The following ACYP2 variants were observed in gnomAD, a reference collection of about 807,000 sequenced individuals.
ACYP2 encodes the protein acylphosphatase-2.
Under a neutral mutation model 11.2 loss-of-function variants are expected in ACYP2, and 12 were observed. The observed-to-expected ratio is 1.08, with a 90% CI of 0.69 to 1.74. The LOEUF is 1.74. Ranked by LOEUF, ACYP2 falls within the 40% of genes most tolerant of loss-of-function variation. ACYP2 has a pLI of 0.00. For missense variants in ACYP2, 134 were observed against 101.9 expected, an observed-to-expected ratio of 1.31 and a Z score of -1.35; for synonymous variants, 43 against 32.2, an observed-to-expected ratio of 1.33 and a Z score of -1.13.
intron 2 of ACYP2, among the ~76,000 whole-genome samples, chr2:53,992,474 A>G (rs1672348621): frequency 6.6e-6 from 1 of 152,220 alleles, no homozygotes; most frequent in East Asian, 1.9e-4. Context: ...ATTCAATGAG[A>G]GATGACAATG....
chr2:54,257,445 C>T lies in ACYP2; in HGVS notation c.405-47243C>T, dbSNP rs577907549. ...CATTGGCTACAGCTAGTCAGTTGGCCTTGTCTAACTTTAATAGGACAGGGA... is the reference window on the plus strand; with the variant it reads ...CATTGGCTACAGCTAGTCAGTTGGCTTTGTCTAACTTTAATAGGACAGGGA... On this transcript the variant is annotated intron_variant, in intron 6 of 6. Coordinates refer to ENST00000607452, the MANE Select transcript of ACYP2 (RefSeq NM_001320586.2). Among the ~76,000 whole-genome samples the T allele has an allele frequency of 5.3e-5, 8 of 152,312 alleles. No individual in the cohort carries two copies. In the East Asian group the frequency reaches 1.5e-3, roughly 29 times the overall value.
At chr2:54,085,461 T>C (rs902910543) in intron 4 of ACYP2, among the ~76,000 whole-genome samples, 1 of 152,230 alleles carries the variant, frequency 6.6e-6, no homozygotes, top group African/African-American at 2.4e-5. Context: ...TCTTTCTTTT[T>C]TTTTAAATTC....
At chr2:54,079,452 G>A (rs1677527090) in intron 4 of ACYP2, among the ~76,000 whole-genome samples, 1 of 152,194 alleles carries the variant, frequency 6.6e-6, no homozygotes, top group South Asian at 2.1e-4. Flanking sequence ...TCTTCTGAGA[G>A]AACAATGAGA....
At chr2:54,107,319 T>C (rs1321887688) in intron 4 of ACYP2, among the ~76,000 whole-genome samples, 1 of 152,250 alleles carries the variant, frequency 6.6e-6, no homozygotes. Context: ...ATTTATTCTA[T>C]AATCTTTCAA....
At chr2:54,050,573 A>G (rs1219882457) in intron 2 of ACYP2, among the ~76,000 whole-genome samples, 1 of 151,708 alleles carries the variant, frequency 6.6e-6, no homozygotes, top group Non-Finnish European at 1.5e-5. Context: ...AAAGAAAATA[A>G]CTAAAGAAAA....
At chr2:54,104,571 A>G (rs1679055195) in intron 4 of ACYP2, among the ~76,000 whole-genome samples, 1 of 152,190 alleles carries the variant, frequency 6.6e-6, no homozygotes, top group African/African-American at 2.4e-5. Context: ...CCTGAGTGAT[A>G]CACCAAATAA....
intron 2 of ACYP2, among the ~76,000 whole-genome samples, chr2:54,042,385 C>T (rs2104564069): frequency 6.6e-6 from 1 of 152,286 alleles, no homozygotes; most frequent in South Asian, 2.1e-4. Context: ...ATAAACGTTG[C>T]TCTTGGCTCA....
In ACYP2 at chr2:53,973,713, A is replaced by G. The variant is rs1156600672; in HGVS notation, c.-36A>G. 1 of 295,030 alleles carries G rather than the reference A, an allele frequency of 3.4e-6. No homozygotes were observed. Among genetic ancestry groups the G allele is most frequent in the South Asian group, 1.6e-4 (1 of 6,176 alleles). The allele number at this position is 295,030 out of a possible 1,614,324, so 18.3% of individuals were successfully genotyped here. Reference sequence around the variant, plus strand: ...CACCCTTTGCTGACTCCTTTTTCAGACTCAGCCTGCCTGCACCCAGGTGAA... The same window carrying G: ...CACCCTTTGCTGACTCCTTTTTCAGGCTCAGCCTGCCTGCACCCAGGTGAA... On this transcript the variant is annotated splice_region_variant and 5_prime_UTR_variant, in exon 2 of 7. Transcript: ENST00000607452.
At chr2:54,083,228 G>T (rs1244656639) in intron 4 of ACYP2, among the ~76,000 whole-genome samples, 1 of 152,182 alleles carries the variant, frequency 6.6e-6, no homozygotes, top group African/African-American at 2.4e-5. Flanking sequence ...TTAGTCTGCT[G>T]CCACCCGCCA....
intron 6 of ACYP2, among the ~76,000 whole-genome samples, chr2:54,172,117 T>G (rs1014743297): frequency 6.6e-6 from 1 of 152,122 alleles, no homozygotes; most frequent in Admixed American, 6.6e-5. Context: ...CTCAGGAGGC[T>G]GAGGCAGGAA....
At chr2:54,212,421 C>G (rs544161381) in intron 6 of ACYP2, among the ~76,000 whole-genome samples, 1 of 152,186 alleles carries the variant, frequency 6.6e-6, no homozygotes, top group African/African-American at 2.4e-5. Context: ...GCTGTAATCT[C>G]CTTTTCCCTG....
At chr2:54,095,016 A>G (rs972908290) in intron 4 of ACYP2, among the ~76,000 whole-genome samples, 1 of 147,770 alleles carries the variant, frequency 6.8e-6, no homozygotes, top group East Asian at 2.2e-4. Flanking sequence ...TGGTTTTCCT[A>G]GGCAGAGGAC....
intron 6 of ACYP2, among the ~76,000 whole-genome samples, chr2:54,274,357 G>A (rs1418837080): frequency 6.6e-6 from 1 of 152,084 alleles, no homozygotes; most frequent in East Asian, 1.9e-4. Flanking sequence ...AGATTTGGTA[G>A]GGGACACAGC....
chr2:54,168,442 AAATAG>A lies in ACYP2; in HGVS notation c.404+29704_404+29708del, dbSNP rs1226120783. 2.6e-5 allele frequency among the ~76,000 whole-genome samples: 4 copies of A among 152,104 alleles called. No homozygotes were observed. The East Asian group carries it at 5.8e-4, about 22-fold the overall frequency. ...CTCCGTCTCAAAACCAAACAAAATA[AAATAG>A]AATAGAATAAAATAAAATAATAAAA... On this transcript the variant is annotated intron_variant, in intron 6 of 6. Transcript: ENST00000607452.
intron 6 of ACYP2, among the ~76,000 whole-genome samples, chr2:54,150,932 G>A (rs1010322774): frequency 9.3e-5 from 14 of 151,306 alleles, no homozygotes; most frequent in Non-Finnish European, 1.6e-4. Flanking sequence ...TAGTAGAGAC[G>A]GGGTTTCACT....
chr2:54,011,705 C>T (rs114524990), intron 2 of ACYP2, among the ~76,000 whole-genome samples: 2,099 of 150,086 alleles, frequency 0.014, 54 homozygotes, highest in African/African-American at 0.049. Flanking sequence ...AGTGTATTTT[C>T]AGCCATTTTA....
At chr2:54,014,704 A>G (rs1352440607) in intron 2 of ACYP2, among the ~76,000 whole-genome samples, 1 of 152,158 alleles carries the variant, frequency 6.6e-6, no homozygotes, top group East Asian at 1.9e-4. Flanking sequence ...TAAATGAGCA[A>G]ACTATAATAA....
chr2:54,102,638 CAAAAAAAAAAAAAAAAAAA>C (rs58842257), intron 4 of ACYP2, among the ~76,000 whole-genome samples: 11 of 83,306 alleles, frequency 1.3e-4, no homozygotes, highest in Admixed American at 5.8e-4. Flanking sequence ...TGGCTTAAGC[CAAAAAAAAAAAAAAAAAAA>C]AAAAAAAAAA....
At chr2:54,192,977 T>G (rs899656923) in intron 6 of ACYP2, among the ~76,000 whole-genome samples, 2 of 152,200 alleles carry the variant, frequency 1.3e-5, no homozygotes, top group African/African-American at 4.8e-5. Context: ...ATTATTACAA[T>G]TCAAGATGAG....
Sources: gnomAD v4.1 joint callset for allele counts (sites outside exome capture counted in the v4.1 genomes callset) on GRCh38, gnomAD v4.1.1 for gene constraint, MANE v1.5 for transcripts, NCBI Gene and HGNC (gene_info 2026-07-23, HGNC 2026-07-21) for gene names.